Variants in DNAJC1 observed in about 807,000 individuals in gnomAD.
DNAJC1 encodes the protein DnaJ heat shock protein family (Hsp40) member C1.
Under a neutral mutation model 76.6 loss-of-function variants are expected in DNAJC1, and 58 were observed. The observed-to-expected ratio is 0.76, with a 90% CI of 0.61 to 0.94. DNAJC1 has a LOEUF of 0.94. Ranked by LOEUF, DNAJC1 falls within the 40% of genes least tolerant of loss-of-function variation. DNAJC1 has a pLI of 0.00. For synonymous variants in DNAJC1, 258 were observed against 267.9 expected (o/e 0.96, Z 0.36); for missense variants, 689 against 677.3 (o/e 1.02, Z -0.19).
chr10:21,993,529 TG>T, intron 1 of DNAJC1, among the ~76,000 whole-genome samples: 1 of 152,230 alleles, frequency 6.6e-6, no homozygotes, highest in Non-Finnish European at 1.5e-5. Flanking sequence ...TTCTTACTTA[TG>T]CCTACAGTTG....
rs534155424 is a variant in DNAJC1, at chr10:21,904,299, G to T, written c.820+223C>A. 8.6e-4 allele frequency among the ~76,000 whole-genome samples: 130 copies of T among 151,970 alleles called. No individual in the cohort carries two copies. The South Asian group carries it at 0.012, about 14-fold the overall frequency. ...TTTGAGGAGTTACATGACTCAAGCT[G>T]ATTTTATCCTTCCTTCTGATATCAA... is the stretch of plus-strand genomic sequence containing the variant. On this transcript the variant is annotated intron_variant, in intron 7 of 11. Transcript: ENST00000376980.
At chr10:21,956,672 AT>A (rs1325705108) in intron 1 of DNAJC1, among the ~76,000 whole-genome samples, 1 of 151,304 alleles carries the variant, frequency 6.6e-6, no homozygotes, top group Non-Finnish European at 1.5e-5. Context: ...AGCCACTATA[AT>A]TTTTTGCCTG....
At chr10:21,856,243 T>C (rs918193892) in intron 8 of DNAJC1, among the ~76,000 whole-genome samples, 4 of 152,206 alleles carry the variant, frequency 2.6e-5, no homozygotes, top group African/African-American at 7.2e-5. Flanking sequence ...TTTTCAGAAA[T>C]TCTATAAGCC....
At chr10:21,954,299 T>A (rs1335679159) in intron 1 of DNAJC1, among the ~76,000 whole-genome samples, 1 of 152,204 alleles carries the variant, frequency 6.6e-6, no homozygotes, top group Non-Finnish European at 1.5e-5. Context: ...ACTCTCATTG[T>A]ACTCTCAGGA....
chr10:22,003,107 G>A, intron 1 of DNAJC1, 106 bp downstream of exon 1: 1 of 1,340,106 alleles, frequency 7.5e-7, no homozygotes, highest in Non-Finnish European at 9.6e-7. Context: ...CCAGAGCCCG[G>A]GGTGACCAAG....
chr10:21,815,650 G>A (rs928324202), intron 8 of DNAJC1, among the ~76,000 whole-genome samples: 1 of 152,164 alleles, frequency 6.6e-6, no homozygotes, highest in African/African-American at 2.4e-5. Context: ...TTTTCATAAA[G>A]TTCAATGTAT....
At chr10:21,991,263 A>G (rs1838322499) in intron 1 of DNAJC1, among the ~76,000 whole-genome samples, 1 of 152,202 alleles carries the variant, frequency 6.6e-6, no homozygotes, top group South Asian at 2.1e-4. Flanking sequence ...AATATCACTA[A>G]CGACCTAATA....
At chr10:21,869,686 T>C (rs953980135) in intron 8 of DNAJC1, among the ~76,000 whole-genome samples, 4 of 152,118 alleles carry the variant, frequency 2.6e-5, no homozygotes, top group African/African-American at 9.7e-5. Flanking sequence ...AGGAGAAGTA[T>C]GAGTGACATT....
At chr10:21,900,499 T>G (rs981195091) in intron 7 of DNAJC1, among the ~76,000 whole-genome samples, 6 of 152,178 alleles carry the variant, frequency 3.9e-5, no homozygotes, top group African/African-American at 1.4e-4. Context: ...GCATTATGAT[T>G]TGAAATATTA....
chr10:21,803,694 C>T, intron 9 of DNAJC1: 1 of 367,312 alleles, frequency 2.7e-6, no homozygotes, highest in Non-Finnish European at 3.8e-6. Context: ...ATGAATAGTC[C>T]AGCCATGGAG....
chr10:21,995,751 A>G (rs1447920429), intron 1 of DNAJC1, among the ~76,000 whole-genome samples: 1 of 152,216 alleles, frequency 6.6e-6, no homozygotes, highest in African/African-American at 2.4e-5. Flanking sequence ...ATGCCTGGTT[A>G]CATGTGAGAT....
intron 9 of DNAJC1, among the ~76,000 whole-genome samples, chr10:21,768,396 G>T (rs1187296529): frequency 6.6e-6 from 1 of 152,122 alleles, no homozygotes; most frequent in Non-Finnish European, 1.5e-5. Context: ...TTCAGTCTTG[G>T]TTCCACCTCT....
intron 6 of DNAJC1, among the ~76,000 whole-genome samples, chr10:21,905,758 T>C (rs1280152124): frequency 6.6e-6 from 1 of 152,068 alleles, no homozygotes; most frequent in Non-Finnish European, 1.5e-5. Context: ...TAGACTGAAA[T>C]ATGTGAGAAA....
chr10:21,987,058 G>A (rs1053943213), intron 1 of DNAJC1, among the ~76,000 whole-genome samples: 6 of 152,132 alleles, frequency 3.9e-5, no homozygotes, highest in Admixed American at 6.5e-5. Flanking sequence ...GAGCCACCAC[G>A]CCCAGCCCAA....
intron 7 of DNAJC1, among the ~76,000 whole-genome samples, chr10:21,895,631 G>A (rs1057473127): frequency 6.6e-6 from 1 of 152,154 alleles, no homozygotes; most frequent in Non-Finnish European, 1.5e-5. Context: ...TTTAAAGTAT[G>A]CTTGAGGGAG....
rs562480281 is a variant in DNAJC1 at position 21,918,769 on chromosome 10, T to G, written c.729+10A>C. 35 of 1,592,218 alleles carry G rather than the reference T, an allele frequency of 2.2e-5. No individual in the cohort carries two copies. In the South Asian group the frequency reaches 3.4e-4, roughly 16 times the overall value. On this transcript the variant is annotated intron_variant, in intron 6 of 11. Transcript: ENST00000376980. ...AAGATCTAATGTTATATAAAAGAGG[T>G]ACATTTTACCTGGATGAGGTGAGGT...
intron 8 of DNAJC1, among the ~76,000 whole-genome samples, chr10:21,857,871 AAAC>A: frequency 6.6e-6 from 1 of 151,310 alleles, no homozygotes; most frequent in African/African-American, 2.5e-5. Flanking sequence ...ACAAACAAAC[AAAC>A]AAAAAAAAAA....
At chr10:21,773,803 ATT>A (rs201344852) in intron 9 of DNAJC1, among the ~76,000 whole-genome samples, 104 of 139,968 alleles carry the variant, frequency 7.4e-4, no homozygotes, top group South Asian at 6.6e-3. Flanking sequence ...CTCTTTATTA[ATT>A]TTTTTTTTTT....
intron 8 of DNAJC1, among the ~76,000 whole-genome samples, chr10:21,874,446 A>AAG (rs113057115): frequency 6.6e-6 from 1 of 151,972 alleles, no homozygotes; most frequent in African/African-American, 2.4e-5. Flanking sequence ...AAAAAAAAAA[A>AAG]AGAGAGAGAT....
Sources: allele counts gnomAD v4.1 joint callset (sites outside exome capture counted in the v4.1 genomes callset), GRCh38; gene constraint gnomAD v4.1.1; transcripts MANE v1.5; gene names NCBI Gene and HGNC (gene_info 2026-07-23, HGNC 2026-07-21).